Variants in RCC2 observed in about 807,000 individuals in gnomAD.
The protein encoded by RCC2 is protein RCC2.
In RCC2, 19 loss-of-function variants were observed where a neutral mutation model predicts 64.1. The ratio of observed to expected loss-of-function variants is 0.30; its 90% CI spans 0.21 to 0.44. The LOEUF (loss-of-function observed/expected upper bound fraction) is 0.44, where lower values mean the gene tolerates loss of function less well. RCC2 is among the 20% of genes least tolerant of loss of function. The pLI is 1.00. For synonymous variants in RCC2, 325 were observed against 279.6 expected, an observed-to-expected ratio of 1.16 and a Z score of -1.62; for missense variants, 508 against 710.4, an observed-to-expected ratio of 0.72 and a Z score of 3.24.
intron 2 of RCC2, among the ~76,000 whole-genome samples, chr1:17,433,667 G>A (rs1188421604): frequency 2.0e-5 from 3 of 152,182 alleles, no homozygotes; most frequent in Admixed American, 6.5e-5. Context: ...CATAACCTGG[G>A]CAGAGACACA....
chr1:17,411,061 T>G (rs2100351407), intron 11 of RCC2, among the ~76,000 whole-genome samples: 1 of 151,706 alleles, frequency 6.6e-6, no homozygotes, highest in East Asian at 1.9e-4. Context: ...CAGCCACAGC[T>G]CAAGGGACCA....
intron 3 of RCC2, 32 bp downstream of exon 3, chr1:17,429,074 C>T: frequency 1.9e-6 from 3 of 1,543,546 alleles, no homozygotes; most frequent in Non-Finnish European, 2.7e-6. Context: ...TTAAGAAGCA[C>T]TCAATGGGTT....
intron 11 of RCC2, among the ~76,000 whole-genome samples, chr1:17,411,561 T>C (rs1386014490): frequency 7.1e-6 from 1 of 141,194 alleles, no homozygotes; most frequent in Non-Finnish European, 1.5e-5. Flanking sequence ...CCAGCCTGGG[T>C]GACAGAGAAA....
chr1:17,410,424 C>T (rs1254627531), intron 11 of RCC2, among the ~76,000 whole-genome samples: 1 of 152,200 alleles, frequency 6.6e-6, no homozygotes, highest in African/African-American at 2.4e-5. Flanking sequence ...AGAACACGGG[C>T]TGACCAAATG....
At position 17,429,116 on chromosome 1, in the gene RCC2, A is replaced by G; in HGVS notation, c.369T>C (p.Pro123=). ...GCACCATTCTCATACCTTGCTGTTTAGGCACTTCTTTTCGACCAATCAAGT... is the reference window on the plus strand; with the variant it reads ...GCACCATTCTCATACCTTGCTGTTTGGGCACTTCTTTTCGACCAATCAAGT... The part of the protein sequence containing the change: ...NWDLIGRKEV[P]KQQAAYRNLG... The change falls in exon 3 of 13, where the codon CCT becomes CCC. Residue 123 remains proline, a synonymous_variant. Transcript: ENST00000375436. The G allele has an allele frequency of 6.2e-7, 1 of 1,613,932 alleles. No homozygotes were observed. Among genetic ancestry groups the G allele is most frequent in the African/African-American group, 1.3e-5 (1 of 75,054 alleles).
chr1:17,427,823 G>A lies in RCC2; in HGVS notation c.379+1283C>T, dbSNP rs369645012. On this transcript the variant is annotated intron_variant, in intron 3 of 12. Coordinates refer to ENST00000375436, the MANE Select transcript of RCC2 (RefSeq NM_018715.4). ...AAGGGCTGGAGGGACTGGAGGGACC[G>A]GGCAGGGGTGGGGGAGGGGGAGCAA... 6.6e-5 allele frequency among the ~76,000 whole-genome samples: 10 copies of A among 152,176 alleles called. No individual in the cohort carries two copies. In the East Asian group the frequency reaches 7.8e-4, roughly 12 times the overall value.
chr1:17,420,632 C>A, intron 7 of RCC2, 82 bp downstream of exon 7: 2 of 803,330 alleles, frequency 2.5e-6, no homozygotes, highest in East Asian at 5.2e-5. Flanking sequence ...ATTTCTAACA[C>A]GTGTGTGCAG....
In RCC2 at chr1:17,413,430, G is replaced by C. The variant is rs1019023411; in HGVS notation, c.1207+107C>G. ...CGAGTTCCTGTCTCAAAAAAATAAA[G>C]AACACTGGGAGGTAAAGAGAATTGG... On this transcript the variant is annotated intron_variant, in intron 9 of 12. Coordinates refer to ENST00000375436, the MANE Select transcript of RCC2 (RefSeq NM_018715.4). 16 of 1,209,354 alleles carry C rather than the reference G, an allele frequency of 1.3e-5. No individual in the cohort carries two copies. The East Asian group carries it at 1.9e-4, about 14-fold the overall frequency. The allele number at this position is 1,209,354 out of a possible 1,614,324, so 74.9% of individuals were successfully genotyped here.
At chr1:17,435,152 G>C (rs2075722644) in intron 2 of RCC2, among the ~76,000 whole-genome samples, 1 of 152,096 alleles carries the variant, frequency 6.6e-6, no homozygotes, top group Non-Finnish European at 1.5e-5. Context: ...GTGTGGCCGT[G>C]AGAGCGGAGG....
At chr1:17,439,050 G>A (rs1207530711) in intron 1 of RCC2, among the ~76,000 whole-genome samples, 1 of 149,386 alleles carries the variant, frequency 6.7e-6, no homozygotes, top group African/African-American at 2.5e-5. Context: ...CATCAGCCCT[G>A]GACCCCCGTT....
At chr1:17,416,077 A>AGG (rs1557623295) in intron 8 of RCC2, among the ~76,000 whole-genome samples, 2 of 20,632 alleles carry the variant, frequency 9.7e-5, no homozygotes, top group African/African-American at 4.7e-4. Context: ...CCAAAAAAAA[A>AGG]AGGGGGGGGG....
At position 17,420,164 on chromosome 1, in the gene RCC2, G is replaced by T. The variant is rs541619992; in HGVS notation, c.859+550C>A. On this transcript the variant is annotated intron_variant, in intron 7 of 12. Coordinates refer to ENST00000375436, the MANE Select transcript of RCC2 (RefSeq NM_018715.4). ...GAGAATGGAGACCATCAGGTCGGAA[G>T]ACACTCCCCCCACTAACTGAGAACT... Among the ~76,000 whole-genome samples the T allele has an allele frequency of 7.7e-4, 118 of 152,276 alleles. 1 individual carries two copies. The highest frequency in any genetic ancestry group is 2.7e-3 in the African/African-American group (114 of 41,570).
In RCC2 at chr1:17,409,012, G is replaced by GT; in HGVS notation, c.*77dup. 8.8e-7 allele frequency: 1 copy of GT among 1,133,932 alleles called. No homozygotes were observed. Among genetic ancestry groups the GT allele is most frequent in the South Asian group, 1.2e-5 (1 of 80,350 alleles). The allele number at this position is 1,133,932 out of a possible 1,614,324, so 70.2% of individuals were successfully genotyped here. The stretch of plus-strand genomic sequence containing the variant: ...CAACTTTTGCTTTTTTAAATTCCTC[G>GT]TTTGACTTCCCGTCCCAGTGCACAT... On this transcript the variant is annotated 3_prime_UTR_variant, in exon 13 of 13. Transcript: ENST00000375436.
intron 11 of RCC2, among the ~76,000 whole-genome samples, chr1:17,411,077 C>T (rs913238028): frequency 6.6e-5 from 10 of 152,126 alleles, no homozygotes; most frequent in African/African-American, 1.9e-4. Flanking sequence ...GACCAAGGAA[C>T]GCCCTTCCTT....
At chr1:17,438,966 CCTG>C (rs2075775891) in intron 1 of RCC2, among the ~76,000 whole-genome samples, 1 of 152,048 alleles carries the variant, frequency 6.6e-6, no homozygotes, top group South Asian at 2.1e-4. Context: ...GGCTACCCCA[CCTG>C]CTGCTTTTGT....
At chr1:17,420,573 TGAG>T in intron 7 of RCC2, 138 bp downstream of exon 7, 4 of 501,432 alleles carry the variant, frequency 8.0e-6, no homozygotes, top group South Asian at 4.3e-5. Context: ...CTGCTGAACG[TGAG>T]ATCCACTTAA....
intron 7 of RCC2, among the ~76,000 whole-genome samples, chr1:17,419,323 C>A (rs1240909872): frequency 6.6e-6 from 1 of 152,212 alleles, no homozygotes; most frequent in Non-Finnish European, 1.5e-5. Context: ...CACACCACTG[C>A]ACTCCATCCC....
intron 7 of RCC2, among the ~76,000 whole-genome samples, chr1:17,419,404 G>A (rs961458012): frequency 5.9e-5 from 9 of 152,158 alleles, no homozygotes; most frequent in Non-Finnish European, 1.0e-4. Flanking sequence ...CTGCAAAAAA[G>A]GGGGCACAAG....
In RCC2 at chr1:17,409,082, C is replaced by G. The variant is rs199651124; in HGVS notation, c.*8G>C. 6.3e-7 allele frequency: 1 copy of G among 1,595,810 alleles called. No individual in the cohort carries two copies. Among genetic ancestry groups the G allele is most frequent in the African/African-American group, 1.3e-5 (1 of 74,504 alleles). ...AGAGGTGTGGAGTCGGAGGAGTCTC[C>G]GGGAGCATCAGAGGGTTCGGGGGTT... On this transcript the variant is annotated 3_prime_UTR_variant, in exon 13 of 13. Coordinates refer to ENST00000375436, the MANE Select transcript of RCC2 (RefSeq NM_018715.4).
Sources: gnomAD v4.1 joint callset for allele counts (sites outside exome capture counted in the v4.1 genomes callset) on GRCh38, gnomAD v4.1.1 for gene constraint, MANE v1.5 for transcripts, NCBI Gene and HGNC (gene_info 2026-07-23, HGNC 2026-07-21) for gene names.